Variants in CATSPERG observed in about 807,000 individuals in gnomAD.
CATSPERG encodes the protein cation channel sperm-associated auxiliary subunit gamma.
CATSPERG carries 115 observed loss-of-function variants against 145.0 expected under a neutral mutation model. That is an observed-to-expected ratio of 0.79 (90% CI 0.68 to 0.93). CATSPERG has a LOEUF of 0.93. Ranked by LOEUF, CATSPERG falls within the 40% of genes least tolerant of loss-of-function variation. The pLI is 0.00. For synonymous variants in CATSPERG, 588 were observed against 589.0 expected (o/e 1.00, Z 0.02); for missense variants, 1,296 against 1,490.1 (o/e 0.87, Z 2.14).
chr19:38,342,366 G>A (rs1468438557), intron 3 of CATSPERG, among the ~76,000 whole-genome samples: 3 of 151,870 alleles, frequency 2.0e-5, no homozygotes, highest in Non-Finnish European at 4.4e-5. Context: ...TTGGGAGGCC[G>A]AAGCGCGCAG....
chr19:38,356,667 G>A, intron 10 of CATSPERG, 75 bp from the exon 11 acceptor site: 1 of 1,599,148 alleles, frequency 6.3e-7, no homozygotes, highest in East Asian at 2.2e-5. Context: ...GTGAGTTATG[G>A]GGAGGGGTAC....
intron 3 of CATSPERG, among the ~76,000 whole-genome samples, chr19:38,342,191 C>G (rs1009629646): frequency 6.7e-5 from 10 of 149,970 alleles, no homozygotes; most frequent in African/African-American, 2.5e-4. Flanking sequence ...ACCTGGCCAA[C>G]ATAGCAAGAC....
chr19:38,357,727 G>T (rs1970270894), intron 11 of CATSPERG, among the ~76,000 whole-genome samples: 1 of 152,184 alleles, frequency 6.6e-6, no homozygotes, highest in South Asian at 2.1e-4. Context: ...CGAGGCGGGG[G>T]GATCACCTAA....
chr19:38,367,241 G>A lies in CATSPERG; in HGVS notation c.2699G>A (p.Arg900His), dbSNP rs781029465. 33 of 1,613,760 alleles carry A rather than the reference G, an allele frequency of 2.0e-5. No homozygotes were observed. Among genetic ancestry groups the A allele is most frequent in the African/African-American group, 1.1e-4 (8 of 74,872 alleles). ...ATCACCTACACGCTGGAATACAGCC[G>A]CCTGAAGAACAAACACTACTTTGAC... ...FDITYTLEYS[R>H]LKNKHYFDCV... Residue 900 changes from arginine to histidine, a missense_variant, in exon 23 of 29, where the codon CGC becomes CAC. Arg to His is a conservative substitution (Grantham distance 29, BLOSUM62 0). Transcript: ENST00000409235.
At chr19:38,348,160 C>T (rs1970072038) in intron 7 of CATSPERG, among the ~76,000 whole-genome samples, 1 of 152,010 alleles carries the variant, frequency 6.6e-6, no homozygotes, top group Non-Finnish European at 1.5e-5. Flanking sequence ...TTAATTTACA[C>T]CAACTTTTTT....
intron 7 of CATSPERG, among the ~76,000 whole-genome samples, chr19:38,348,229 G>A (rs1045253622): frequency 1.3e-5 from 2 of 152,054 alleles, no homozygotes; most frequent in Non-Finnish European, 2.9e-5. Flanking sequence ...TGTGATCATA[G>A]CTCACTGCAG....
intron 3 of CATSPERG, among the ~76,000 whole-genome samples, chr19:38,340,319 C>A (rs1969915624): frequency 6.8e-6 from 1 of 146,834 alleles, no homozygotes; most frequent in Admixed American, 6.8e-5. Flanking sequence ...ATCACAGAGT[C>A]TTTTTTTTTT....
chr19:38,361,833 T>C lies in CATSPERG; in HGVS notation c.2066T>C (p.Leu689Pro). Residue 689 changes from leucine (L) to proline (P), a missense_variant, in exon 17 of 29, where the codon CTG becomes CCG. By Grantham distance (98) the Leu-to-Pro change is moderately conservative. Transcript: ENST00000409235. Reference sequence around the variant, plus strand: ...ATCTACCAGGGCCTGGTCTACTACCTGCTGTGGCTGCACTCCGTGTACGAC... The same window carrying C: ...ATCTACCAGGGCCTGGTCTACTACCCGCTGTGGCTGCACTCCGTGTACGAC... The part of the protein sequence containing the change: ...LAIYQGLVYY[L>P]LWLHSVYDKP... The C allele has an allele frequency of 6.2e-7, 1 of 1,610,306 alleles. No individual in the cohort carries two copies. Among genetic ancestry groups the C allele is most frequent in the Non-Finnish European group, 8.5e-7 (1 of 1,178,356 alleles).
In CATSPERG at chr19:38,361,850, G is replaced by T. The variant is rs962680953; in HGVS notation, c.2083G>T (p.Val695Leu). 3.7e-6 allele frequency: 6 copies of T among 1,608,234 alleles called. No individual in the cohort carries two copies. The South Asian group carries it at 6.7e-5, about 18-fold the overall frequency. Reference sequence around the variant, plus strand: ...CTACTACCTGCTGTGGCTGCACTCCGTGTACGACAAGGTGGGCGTCCGGCG... The same window carrying T: ...CTACTACCTGCTGTGGCTGCACTCCTTGTACGACAAGGTGGGCGTCCGGCG... Reference protein sequence around the residue: ...LVYYLLWLHSVYDKPYADPVH... With the variant: ...LVYYLLWLHSLYDKPYADPVH... Residue 695 changes from valine (V) to leucine (L), a missense_variant, in exon 17 of 29, where the codon GTG becomes TTG. Coordinates refer to ENST00000409235, the MANE Select transcript of CATSPERG (RefSeq NM_021185.5).
chr19:38,364,246 G>A (rs901654353), intron 20 of CATSPERG, among the ~76,000 whole-genome samples: 7 of 152,064 alleles, frequency 4.6e-5, no homozygotes, highest in East Asian at 1.9e-4. Flanking sequence ...TTTCTCAGAC[G>A]GGGCGGTTGC....
intron 14 of CATSPERG, 189 bp downstream of exon 14, chr19:38,359,770 C>G: frequency 5.2e-6 from 7 of 1,345,854 alleles, no homozygotes; most frequent in Non-Finnish European, 6.7e-6. Context: ...TCCAAAGTCA[C>G]GCAGACCGGA....
chr19:38,341,738 C>T (rs1291874750), intron 3 of CATSPERG, among the ~76,000 whole-genome samples: 7 of 151,780 alleles, frequency 4.6e-5, no homozygotes, highest in African/African-American at 1.7e-4. Flanking sequence ...CCCATCTCTA[C>T]TAAAAATGCA....
chr19:38,336,160 G>T, intron 1 of CATSPERG: 2 of 456,272 alleles, frequency 4.4e-6, no homozygotes, highest in Non-Finnish European at 8.8e-6. Context: ...GGAAGAGTAA[G>T]AAGTGGGGCA....
chr19:38,370,889 T>A lies in CATSPERG; in HGVS notation c.*97T>A. On this transcript the variant is annotated 3_prime_UTR_variant, in exon 29 of 29. Transcript: ENST00000409235. ...GTCACCCAGCCCAGGCCTCTCTTTC[T>A]GTTTTGCTTGATGTTTACTTCTCGT... is the stretch of plus-strand genomic sequence containing the variant. The A allele has an allele frequency of 7.4e-7, 1 of 1,352,868 alleles. No individual in the cohort carries two copies. The allele number at this position is 1,352,868 out of a possible 1,614,324, so 83.8% of individuals were successfully genotyped here. A position where few individuals can be genotyped will look rare whatever the true frequency, so the allele number is the denominator to read the frequency against.
intron 10 of CATSPERG, 67 bp from the exon 11 acceptor site, chr19:38,356,675 T>C (rs1970248948): frequency 6.2e-7 from 1 of 1,601,098 alleles, no homozygotes; most frequent in Non-Finnish European, 8.5e-7. Context: ...TGGGGAGGGG[T>C]ACAGCTGGCA....
At chr19:38,354,591 C>T (rs949061250) in intron 8 of CATSPERG, 119 bp from the exon 9 acceptor site, 33 of 1,191,154 alleles carry the variant, frequency 2.8e-5, no homozygotes, top group South Asian at 1.0e-4. Flanking sequence ...CCACACTGAA[C>T]GGGTGCTTCA....
At chr19:38,344,901 A>ATATATATT (rs1468159196) in intron 6 of CATSPERG, among the ~76,000 whole-genome samples, 3 of 80,008 alleles carry the variant, frequency 3.7e-5, no homozygotes, top group African/African-American at 1.4e-4. Context: ...ATATATATAT[A>ATATATATT]TTTTTTTTTT....
chr19:38,342,373 G>A (rs956233906), intron 3 of CATSPERG, among the ~76,000 whole-genome samples: 7 of 151,998 alleles, frequency 4.6e-5, no homozygotes, highest in East Asian at 1.9e-4. Context: ...GCCGAAGCGC[G>A]CAGATCAGTT....
intron 22 of CATSPERG, chr19:38,365,366 G>C: frequency 2.2e-6 from 1 of 449,448 alleles, no homozygotes; most frequent in East Asian, 4.0e-5. Flanking sequence ...TGCCTCCTTG[G>C]CTCAAGTGAT....
Sources: gnomAD v4.1 joint callset for allele counts (sites outside exome capture counted in the v4.1 genomes callset) on GRCh38, gnomAD v4.1.1 for gene constraint, MANE v1.5 for transcripts, NCBI Gene and HGNC (gene_info 2026-07-23, HGNC 2026-07-21) for gene names.